KIAA1671: variants seen among roughly 807,000 people sequenced by gnomAD.
The protein encoded by KIAA1671 is uncharacterized protein KIAA1671.
In KIAA1671, 52 loss-of-function variants were observed where a neutral mutation model predicts 131.2. That is an observed-to-expected ratio of 0.40 (90% CI 0.32 to 0.50). The LOEUF is 0.50. KIAA1671 is among the 20% of genes least tolerant of loss of function. The probability of loss-of-function intolerance (pLI) is 0.73; values close to 1 mark genes in which losing one functional copy is unlikely to be tolerated. For missense variants in KIAA1671, 2,360 were observed against 2,364.2 expected (o/e 1.00, Z 0.04); for synonymous variants, 1,003 against 961.6 (o/e 1.04, Z -0.80).
rs932753810 is a variant in KIAA1671, at chr22:25,032,232, C to T, written c.1542-377C>T. On this transcript the variant is annotated intron_variant, in intron 3 of 12. Transcript: ENST00000358431. ...TGGGGCATCTTCACTCTTCCCTAAA[C>T]GCCCTCACGTAGCTATTAGGGCCTT... is the stretch of plus-strand genomic sequence containing the variant. Among the ~76,000 whole-genome samples the T allele has an allele frequency of 2.6e-5, 4 of 152,244 alleles. No individual in the cohort carries two copies. The South Asian group carries it at 6.2e-4, about 24-fold the overall frequency.
intron 1 of KIAA1671, among the ~76,000 whole-genome samples, chr22:25,009,088 T>A (rs186304666): frequency 6.6e-6 from 1 of 152,202 alleles, no homozygotes; most frequent in Non-Finnish European, 1.5e-5. Context: ...GAAACGGGAA[T>A]GTGGAGTGGA....
chr22:25,065,924 C>T (rs1050882590), intron 6 of KIAA1671, among the ~76,000 whole-genome samples: 1 of 152,078 alleles, frequency 6.6e-6, no homozygotes, highest in Non-Finnish European at 1.5e-5. Context: ...CAAGTGTGAG[C>T]CACTGCGCCT....
intron 1 of KIAA1671, among the ~76,000 whole-genome samples, chr22:24,995,355 GTT>G (rs75900994): frequency 4.0e-4 from 54 of 136,340 alleles, no homozygotes; most frequent in African/African-American, 1.3e-3. Context: ...CCCGGCCAAG[GTT>G]TTTTTTTTTT....
chr22:24,969,282 C>G (rs373615079), intron 1 of KIAA1671, among the ~76,000 whole-genome samples: 1 of 152,076 alleles, frequency 6.6e-6, no homozygotes, highest in African/African-American at 2.4e-5. Context: ...CCTCAGATAC[C>G]GAAATCTGAG....
At chr22:24,985,432 C>CT (rs397956622) in intron 1 of KIAA1671, among the ~76,000 whole-genome samples, 1 of 151,812 alleles carries the variant, frequency 6.6e-6, no homozygotes, top group Admixed American at 6.6e-5. Context: ...CTCCGCCTCC[C>CT]GGGTTCACGC....
chr22:25,169,237 C>T (rs1217221889), intron 6 of KIAA1671, among the ~76,000 whole-genome samples: 2 of 151,790 alleles, frequency 1.3e-5, no homozygotes, highest in African/African-American at 4.8e-5. Context: ...GGCAACATGA[C>T]GAGACCCCAT....
intron 1 of KIAA1671, among the ~76,000 whole-genome samples, chr22:25,016,896 A>G (rs1925354090): frequency 6.6e-6 from 1 of 152,224 alleles, no homozygotes; most frequent in African/African-American, 2.4e-5. Flanking sequence ...GCAGCAGCAT[A>G]CAGCAGCAGA....
In KIAA1671 at chr22:24,975,326, G is replaced by A. The variant is rs188425993; in HGVS notation, c.-208+22554G>A. Among the ~76,000 whole-genome samples the A allele has an allele frequency of 1.0e-3, 145 of 142,526 alleles. 1 individual carries two copies. Among genetic ancestry groups the A allele is most frequent in the African/African-American group, 3.0e-3 (117 of 38,612 alleles). 93.5% of individuals were successfully genotyped at this position (142,526 alleles called of 152,430 possible). A position where few individuals can be genotyped will look rare whatever the true frequency, so the allele number is the denominator to read the frequency against. On this transcript the variant is annotated intron_variant, in intron 1 of 12. Coordinates refer to ENST00000358431, the MANE Select transcript of KIAA1671 (RefSeq NM_001145206.2). The stretch of plus-strand genomic sequence containing the variant: ...TCAGTGATTCTTTTTTTTTTTTTCA[G>A]TTTTTTTTTCAAGACAGCATCCCAC...
intron 1 of KIAA1671, among the ~76,000 whole-genome samples, chr22:24,975,465 G>A (rs1922864894): frequency 6.6e-6 from 1 of 151,976 alleles, no homozygotes; most frequent in African/African-American, 2.4e-5. Flanking sequence ...GTGCAGGTGT[G>A]TGCCACCATG....
At chr22:25,042,944 A>C (rs1277684152) in intron 5 of KIAA1671, among the ~76,000 whole-genome samples, 1 of 152,018 alleles carries the variant, frequency 6.6e-6, no homozygotes, top group Non-Finnish European at 1.5e-5. Flanking sequence ...AGGGACCTGG[A>C]GTATGTATTT....
At chr22:25,090,248 G>A (rs1205060021) in intron 6 of KIAA1671, among the ~76,000 whole-genome samples, 1 of 152,228 alleles carries the variant, frequency 6.6e-6, no homozygotes, top group Non-Finnish European at 1.5e-5. Context: ...TCGAGAGACC[G>A]TAATTTCTTT....
chr22:25,093,900 C>G (rs1229285229), intron 6 of KIAA1671, among the ~76,000 whole-genome samples: 1 of 124,386 alleles, frequency 8.0e-6, no homozygotes, highest in East Asian at 2.7e-4. Flanking sequence ...TCTGCTTCTG[C>G]TTCTGCTTCT....
chr22:25,065,515 A>G (rs1438027455), intron 6 of KIAA1671, among the ~76,000 whole-genome samples: 5 of 152,112 alleles, frequency 3.3e-5, no homozygotes, highest in Non-Finnish European at 7.4e-5. Flanking sequence ...GTTGGTTAGT[A>G]ACTAATTCAA....
intron 6 of KIAA1671, among the ~76,000 whole-genome samples, chr22:25,151,764 G>T (rs1163427350): frequency 6.6e-6 from 1 of 151,764 alleles, no homozygotes; most frequent in Non-Finnish European, 1.5e-5. Context: ...TTTTGAGACA[G>T]GTCTTGCTCT....
At chr22:25,154,706 C>G (rs1028100708) in intron 6 of KIAA1671, among the ~76,000 whole-genome samples, 4 of 152,206 alleles carry the variant, frequency 2.6e-5, no homozygotes, top group Non-Finnish European at 5.9e-5. Flanking sequence ...ACAAAGGACT[C>G]TCCTTGCTGG....
At chr22:25,190,853 GC>G in intron 12 of KIAA1671, 69 bp downstream of exon 12, 1 of 1,100,886 alleles carries the variant, frequency 9.1e-7, no homozygotes, top group Non-Finnish European at 1.4e-6. Flanking sequence ...ACTCAGGGGG[GC>G]CACGCTTCAG....
Position 25,138,279 on chromosome 22 carries a change from G to A in KIAA1671, c.4531-32541G>A, listed in dbSNP as rs536031615. On this transcript the variant is annotated intron_variant, in intron 6 of 12. Transcript: ENST00000358431. ...GCATGGCTGATGGAAGGAGATCATGGCCAACCAGTCATTGGCTCTTAAAGT... is the reference window on the plus strand; with the variant it reads ...GCATGGCTGATGGAAGGAGATCATGACCAACCAGTCATTGGCTCTTAAAGT... Among the ~76,000 whole-genome samples, 5 of 152,304 alleles carry A rather than the reference G, an allele frequency of 3.3e-5. No homozygotes were observed. The East Asian group carries it at 9.6e-4, about 29-fold the overall frequency.
intron 6 of KIAA1671, among the ~76,000 whole-genome samples, chr22:25,169,139 G>A (rs1055091480): frequency 2.6e-5 from 4 of 152,210 alleles, no homozygotes; most frequent in Non-Finnish European, 2.9e-5. Context: ...GGGGCTGGGC[G>A]TGGTGCCTCA....
chr22:24,995,151 C>T (rs949607782), intron 1 of KIAA1671, among the ~76,000 whole-genome samples: 2 of 149,720 alleles, frequency 1.3e-5, no homozygotes, highest in African/African-American at 2.5e-5. Flanking sequence ...CCCGGGTTCA[C>T]GCCATTCTCC....
Sources: gnomAD v4.1 joint callset for allele counts (sites outside exome capture counted in the v4.1 genomes callset) on GRCh38, gnomAD v4.1.1 for gene constraint, MANE v1.5 for transcripts, NCBI Gene and HGNC (gene_info 2026-07-23, HGNC 2026-07-21) for gene names.